The following TAFA5 variants were observed in gnomAD, a reference collection of about 807,000 sequenced individuals.
TAFA5 encodes TAFA chemokine like family member 5, also known as chemokine-like protein TAFA-5.
TAFA5 carries 6 observed loss-of-function variants against 15.3 expected under a neutral mutation model. That is an observed-to-expected ratio of 0.39 (90% CI 0.21 to 0.77). The LOEUF is 0.77. TAFA5 is among the 30% of genes least tolerant of loss of function. The pLI, the probability that TAFA5 is intolerant of heterozygous loss-of-function variation, is 0.41. For synonymous variants in TAFA5, 103 were observed against 80.7 expected (o/e 1.28, Z -1.48); for missense variants, 161 against 193.1 (o/e 0.83, Z 0.98).
At chr22:48,715,804 G>A (rs970387244) in intron 3 of TAFA5, among the ~76,000 whole-genome samples, 1 of 152,260 alleles carries the variant, frequency 6.6e-6, no homozygotes, top group Non-Finnish European at 1.5e-5. Context: ...TGGACAGTGA[G>A]TCTGGATGCT....
intron 3 of TAFA5, among the ~76,000 whole-genome samples, chr22:48,747,827 G>A (rs1930370841): frequency 6.6e-6 from 1 of 151,248 alleles, no homozygotes; most frequent in Admixed American, 6.6e-5. Flanking sequence ...AACGGGGGAG[G>A]CAGAGGTTGC....
intron 3 of TAFA5, among the ~76,000 whole-genome samples, chr22:48,714,176 G>C (rs970893550): frequency 1.3e-5 from 2 of 152,212 alleles, no homozygotes; most frequent in African/African-American, 4.8e-5. Context: ...TTTGCACCAG[G>C]GTCCCAGTTA....
At chr22:48,494,930 G>T (rs1928275201) in intron 1 of TAFA5, among the ~76,000 whole-genome samples, 1 of 152,210 alleles carries the variant, frequency 6.6e-6, no homozygotes, top group Non-Finnish European at 1.5e-5. Flanking sequence ...GCAGGAATCG[G>T]GTGTGGAATT....
In TAFA5 at chr22:48,552,953, G is replaced by A. The variant is rs1922907996; in HGVS notation, c.112+63249G>A. On this transcript the variant is annotated intron_variant, in intron 1 of 3. Transcript: ENST00000402357. The surrounding 1 kb of genome is among the most constrained non-coding windows in gnomAD (Gnocchi z 4.1). Reference sequence around the variant, plus strand: ...AGAGACTCAGACCTGGGGCTGATCTGAGGGGGGCTCGTCCCCAACCACCTG... The same window carrying A: ...AGAGACTCAGACCTGGGGCTGATCTAAGGGGGGCTCGTCCCCAACCACCTG... 6.6e-6 allele frequency among the ~76,000 whole-genome samples: 1 copy of A among 152,094 alleles called. No individual in the cohort carries two copies. The highest frequency in any genetic ancestry group is 2.4e-5 in the African/African-American group (1 of 41,428).
At chr22:48,673,187 AC>A (rs1927856826) in intron 2 of TAFA5, among the ~76,000 whole-genome samples, 1 of 151,982 alleles carries the variant, frequency 6.6e-6, no homozygotes, top group Non-Finnish European at 1.5e-5. Context: ...TCCTCCAGCA[AC>A]CCCACTTTGA....
At chr22:48,607,114 G>A (rs1030870271) in intron 1 of TAFA5, among the ~76,000 whole-genome samples, 8 of 152,252 alleles carry the variant, frequency 5.3e-5, no homozygotes, top group Non-Finnish European at 7.3e-5. Flanking sequence ...GGCAGGGCCC[G>A]GTCCCGTTAG....
intron 1 of TAFA5, among the ~76,000 whole-genome samples, chr22:48,606,710 C>T (rs547396802): frequency 1.4e-4 from 22 of 152,300 alleles, no homozygotes; most frequent in Middle Eastern, 6.8e-3. Context: ...CCTGGATTAG[C>T]GATCGCTGCT....
At chr22:48,526,623 T>C (rs546855030) in intron 1 of TAFA5, among the ~76,000 whole-genome samples, 1 of 152,340 alleles carries the variant, frequency 6.6e-6, no homozygotes, top group African/African-American at 2.4e-5. Context: ...ACGTCCTTCC[T>C]GGTCCTTACA....
intron 1 of TAFA5, among the ~76,000 whole-genome samples, chr22:48,564,716 T>C (rs1233824105): frequency 6.6e-6 from 1 of 152,122 alleles, no homozygotes; most frequent in Non-Finnish European, 1.5e-5. Flanking sequence ...GCTCCAGCGG[T>C]TGGAGAAAGC....
At chr22:48,657,308 CA>C (rs1306511531) in intron 2 of TAFA5, among the ~76,000 whole-genome samples, 9 of 152,184 alleles carry the variant, frequency 5.9e-5, no homozygotes, top group African/African-American at 2.2e-4. Flanking sequence ...TAGAAAGACA[CA>C]AACTTCCAGA....
intron 1 of TAFA5, among the ~76,000 whole-genome samples, chr22:48,634,413 T>G (rs1320041493): frequency 1.3e-5 from 2 of 152,090 alleles, no homozygotes; most frequent in East Asian, 3.8e-4. Context: ...ACTCATTCAC[T>G]CCTTTACTCA....
chr22:48,575,230 A>C (rs1923723209), intron 1 of TAFA5, among the ~76,000 whole-genome samples: 1 of 152,058 alleles, frequency 6.6e-6, no homozygotes, highest in South Asian at 2.1e-4. Context: ...CTCTGCAGTG[A>C]GGCCCCTGCG....
intron 1 of TAFA5, among the ~76,000 whole-genome samples, chr22:48,561,823 G>A (rs377532394): frequency 1.3e-5 from 2 of 152,178 alleles, no homozygotes; most frequent in Admixed American, 6.5e-5. Flanking sequence ...TTGTGTTTCC[G>A]AGGCTCAGCA....
intron 2 of TAFA5, among the ~76,000 whole-genome samples, chr22:48,664,497 A>G (rs1202472127): frequency 6.6e-6 from 1 of 152,240 alleles, no homozygotes; most frequent in Non-Finnish European, 1.5e-5. Flanking sequence ...GAAGCCCAAA[A>G]TAGGTGACTA....
At chr22:48,659,613 C>T (rs1927363259) in intron 2 of TAFA5, among the ~76,000 whole-genome samples, 1 of 152,082 alleles carries the variant, frequency 6.6e-6, no homozygotes, top group Admixed American at 6.6e-5. Flanking sequence ...TCCTGCTTTT[C>T]TCCCTGTCAT....
chr22:48,664,806 G>C (rs1237253787), intron 2 of TAFA5, among the ~76,000 whole-genome samples: 3 of 152,168 alleles, frequency 2.0e-5, no homozygotes, highest in Non-Finnish European at 4.4e-5. Context: ...TGTATAAAAT[G>C]TCCCTGTACC....
intron 1 of TAFA5, among the ~76,000 whole-genome samples, chr22:48,524,214 G>C (rs574948946): frequency 8.1e-4 from 123 of 152,326 alleles, no homozygotes; most frequent in Middle Eastern, 3.4e-3. Flanking sequence ...CCATCTCCAC[G>C]GGCCTCAGGA....
intron 1 of TAFA5, among the ~76,000 whole-genome samples, chr22:48,594,879 T>A (rs1160537781): frequency 1.6e-5 from 1 of 62,556 alleles, no homozygotes; most frequent in East Asian, 5.0e-4. Flanking sequence ...CTGAGCACAT[T>A]TTTTTTTTTT....
intron 2 of TAFA5, among the ~76,000 whole-genome samples, chr22:48,696,348 T>C (rs537258052): frequency 6.6e-6 from 1 of 152,300 alleles, no homozygotes; most frequent in South Asian, 2.1e-4. Context: ...CTTCCCTCTT[T>C]TCTCACTCCT....
Sources: allele counts gnomAD v4.1 joint callset (sites outside exome capture counted in the v4.1 genomes callset), GRCh38; gene constraint gnomAD v4.1.1; non-coding constraint Gnocchi (gnomAD v3.1); transcripts MANE v1.5; gene names NCBI Gene and HGNC (gene_info 2026-07-23, HGNC 2026-07-21).